SPMIP2: variants seen among roughly 807,000 people sequenced by gnomAD.
SPMIP2 encodes the protein protein SPMIP2.
the SPMIP2 span, among the ~76,000 whole-genome samples, chr4:158,902,039 G>C: frequency 1.3e-5 from 2 of 152,012 alleles, no homozygotes; most frequent in African/African-American, 2.4e-5. Context: ...TGCTGGTGAG[G>C]AGCTGTGATC....
chr4:159,057,954 T>C, the SPMIP2 span, among the ~76,000 whole-genome samples: 1 of 152,018 alleles, frequency 6.6e-6, no homozygotes, highest in African/African-American at 2.4e-5. Context: ...AGCCTCAACC[T>C]CCCAGGCTCA....
At chr4:158,911,256 G>A in the SPMIP2 span, among the ~76,000 whole-genome samples, 1 of 152,086 alleles carries the variant, frequency 6.6e-6, no homozygotes, top group African/African-American at 2.4e-5. Flanking sequence ...GCTGAGGCAG[G>A]AGAATCACTT....
the SPMIP2 span, among the ~76,000 whole-genome samples, chr4:158,928,232 C>T: frequency 3.9e-5 from 6 of 152,194 alleles, no homozygotes; most frequent in African/African-American, 1.4e-4. Context: ...CCAGTCAGCA[C>T]ACTGTGTCTA....
the SPMIP2 span, chr4:158,906,274 T>G: frequency 1.3e-5 from 2 of 152,234 alleles, no homozygotes; most frequent in Non-Finnish European, 2.9e-5. Flanking sequence ...CGTTTCTCAT[T>G]ACGTGTAAAT....
chr4:158,919,472 G>A, the SPMIP2 span, among the ~76,000 whole-genome samples: 1 of 152,014 alleles, frequency 6.6e-6, no homozygotes, highest in Non-Finnish European at 1.5e-5. Context: ...TTTCCTCTTG[G>A]TTAGATTCAG....
the SPMIP2 span, among the ~76,000 whole-genome samples, chr4:158,997,318 C>T: frequency 6.6e-6 from 1 of 151,054 alleles, no homozygotes; most frequent in Admixed American, 6.6e-5. Context: ...GCAACCTCTG[C>T]CTCCTGGGTT....
the SPMIP2 span, among the ~76,000 whole-genome samples, chr4:158,959,251 C>G: frequency 6.6e-6 from 1 of 152,086 alleles, no homozygotes; most frequent in Admixed American, 6.5e-5. Context: ...TTTCAGTGGT[C>G]TTTAATGTTT....
chr4:158,993,388 GA>G, the SPMIP2 span, among the ~76,000 whole-genome samples: 4 of 150,706 alleles, frequency 2.7e-5, 1 homozygote, highest in South Asian at 4.2e-4. Flanking sequence ...AGAAAAAAAA[GA>G]AAAAAAAGAA....
chr4:158,980,599 C>T, the SPMIP2 span, among the ~76,000 whole-genome samples: 3 of 152,282 alleles, frequency 2.0e-5, no homozygotes, highest in Admixed American at 6.5e-5. Context: ...TTAGCAGACC[C>T]GCAGCAGAGA....
the SPMIP2 span, among the ~76,000 whole-genome samples, chr4:158,967,058 A>G: frequency 6.6e-6 from 1 of 152,200 alleles, no homozygotes; most frequent in Non-Finnish European, 1.5e-5. Context: ...GAGGGTACAC[A>G]TCAGTGATAC....
chr4:159,003,658 G>A, the SPMIP2 span, among the ~76,000 whole-genome samples: 1 of 152,152 alleles, frequency 6.6e-6, no homozygotes, highest in Non-Finnish European at 1.5e-5. Flanking sequence ...GTGCCAAAGA[G>A]ATGAAAGAGA....
chr4:159,005,144 T>C, the SPMIP2 span, among the ~76,000 whole-genome samples: 1 of 74,384 alleles, frequency 1.3e-5, no homozygotes, highest in Non-Finnish European at 2.6e-5. Context: ...GGCAGAAGAA[T>C]CCCTTGAACC....
chr4:159,060,272 C>T, the SPMIP2 span, among the ~76,000 whole-genome samples: 1 of 152,110 alleles, frequency 6.6e-6, no homozygotes, highest in African/African-American at 2.4e-5. Context: ...GATTCAGAGG[C>T]CTAGTGGGGA....
the SPMIP2 span, among the ~76,000 whole-genome samples, chr4:158,899,860 G>C: frequency 6.6e-6 from 1 of 152,092 alleles, no homozygotes; most frequent in Non-Finnish European, 1.5e-5. Flanking sequence ...GTTCTGCTCT[G>C]ATCTTAGTTA....
At chr4:159,061,326 A>G in the SPMIP2 span, among the ~76,000 whole-genome samples, 6 of 151,870 alleles carry the variant, frequency 4.0e-5, no homozygotes, top group Non-Finnish European at 8.8e-5. Context: ...CTTCAGACCC[A>G]ATGCCTACAG....
At chr4:158,905,935 T>G in the SPMIP2 span, 3 of 152,236 alleles carry the variant, frequency 2.0e-5, no homozygotes, top group Non-Finnish European at 4.4e-5. Flanking sequence ...GTTCTTTTCA[T>G]GTATCTTTGA....
At chr4:159,022,753 C>T in the SPMIP2 span, among the ~76,000 whole-genome samples, 2 of 152,114 alleles carry the variant, frequency 1.3e-5, no homozygotes, top group Non-Finnish European at 2.9e-5. Context: ...GTGTGTTGGC[C>T]GGGCGCGGTG....
At chr4:158,983,430 A>G in the SPMIP2 span, among the ~76,000 whole-genome samples, 20 of 151,844 alleles carry the variant, frequency 1.3e-4, no homozygotes, top group African/African-American at 3.9e-4. Context: ...GGTTACCCAC[A>G]AAGGGAAGCC....
chr4:158,970,355 A>C, the SPMIP2 span, among the ~76,000 whole-genome samples: 1 of 152,134 alleles, frequency 6.6e-6, no homozygotes, highest in Non-Finnish European at 1.5e-5. Flanking sequence ...AGCCTGGGCA[A>C]CATAGACCTT....
Sources: allele counts gnomAD v4.1 joint callset (sites outside exome capture counted in the v4.1 genomes callset), GRCh38; gene constraint gnomAD v4.1.1; transcripts MANE v1.5; gene names NCBI Gene and HGNC (gene_info 2026-07-23, HGNC 2026-07-21).